CYRIA: variants seen among roughly 807,000 people sequenced by gnomAD.
CYRIA encodes the protein CYFIP related Rac1 interactor A, also known as CYFIP-related Rac1 interactor A.
CYRIA carries 15 observed loss-of-function variants against 43.9 expected under a neutral mutation model. That is an observed-to-expected ratio of 0.34 (90% CI 0.23 to 0.53). CYRIA has a LOEUF of 0.53. Ranked by LOEUF, CYRIA falls within the 20% of genes least tolerant of loss-of-function variation. The pLI is 0.94. For synonymous variants in CYRIA, 117 were observed against 136.0 expected (o/e 0.86, Z 0.97); for missense variants, 236 against 394.2 (o/e 0.60, Z 3.40).
chr2:16,659,340 C>T (rs1297178876), intron 1 of CYRIA, among the ~76,000 whole-genome samples: 2 of 152,246 alleles, frequency 1.3e-5, no homozygotes, highest in East Asian at 3.8e-4. Flanking sequence ...AGGTGACATT[C>T]TGCAAATTCC....
intron 3 of CYRIA, among the ~76,000 whole-genome samples, chr2:16,572,744 T>C (rs1413826764): frequency 1.3e-5 from 2 of 152,188 alleles, no homozygotes; most frequent in African/African-American, 4.8e-5. Context: ...CCACATCCAT[T>C]ACTGATCTTG....
intron 3 of CYRIA, among the ~76,000 whole-genome samples, chr2:16,584,379 A>G (rs1009943585): frequency 1.3e-5 from 2 of 152,138 alleles, no homozygotes; most frequent in East Asian, 1.9e-4. Flanking sequence ...GCTGAGTCAC[A>G]AAACTGAGGG....
intron 1 of CYRIA, among the ~76,000 whole-genome samples, chr2:16,652,897 T>C (rs1670012296): frequency 1.3e-5 from 2 of 152,210 alleles, no homozygotes; most frequent in South Asian, 4.1e-4. Flanking sequence ...CATGTGATGC[T>C]TGTCCAGCTG....
chr2:16,620,507 T>A (rs1668957451), intron 2 of CYRIA, among the ~76,000 whole-genome samples: 1 of 152,214 alleles, frequency 6.6e-6, no homozygotes, highest in Non-Finnish European at 1.5e-5. Context: ...AAGGAAACTA[T>A]AATCTTATAA....
chr2:16,629,202 TC>T (rs1669252399), intron 1 of CYRIA, among the ~76,000 whole-genome samples: 1 of 152,144 alleles, frequency 6.6e-6, no homozygotes, highest in Non-Finnish European at 1.5e-5. Context: ...GACAGGCGCA[TC>T]TCTAAGACAA....
chr2:16,629,977 A>T (rs565509978), intron 1 of CYRIA, among the ~76,000 whole-genome samples: 1 of 152,138 alleles, frequency 6.6e-6, no homozygotes, highest in South Asian at 2.1e-4. Flanking sequence ...GAGACCAGAT[A>T]GTGACTAACT....
chr2:16,613,674 G>A (rs182822137), intron 2 of CYRIA, among the ~76,000 whole-genome samples: 1 of 152,316 alleles, frequency 6.6e-6, no homozygotes, highest in Admixed American at 6.5e-5. Flanking sequence ...AAAAATACCA[G>A]ACCTGGTCAG....
intron 2 of CYRIA, among the ~76,000 whole-genome samples, chr2:16,610,274 C>A (rs370279833): frequency 6.6e-5 from 10 of 152,302 alleles, no homozygotes; most frequent in Admixed American, 3.3e-4. Context: ...TAATCACCAG[C>A]AGAACTGGAA....
rs149042655 is a variant in CYRIA, at chr2:16,638,409, C to T, written c.-166-14390G>A. Among the ~76,000 whole-genome samples, 179 of 152,262 alleles carry T rather than the reference C, an allele frequency of 1.2e-3. 1 individual carries two copies. Among genetic ancestry groups the T allele is most frequent in the African/African-American group, 4.1e-3 (170 of 41,552 alleles). ...CTCCACCTGTGTGATGGGATCTGGCCGGGAAAAGCTTCCTGGAGGGGCTGG... is the reference window on the plus strand; with the variant it reads ...CTCCACCTGTGTGATGGGATCTGGCTGGGAAAAGCTTCCTGGAGGGGCTGG... On this transcript the variant is annotated intron_variant, in intron 1 of 11. Coordinates refer to ENST00000381323, the MANE Select transcript of CYRIA (RefSeq NM_030797.4).
At position 16,564,048 on chromosome 2, in the gene CYRIA, T is replaced by C. The variant is rs1281094866; in HGVS notation, c.239A>G (p.Asn80Ser). 1.2e-6 allele frequency: 2 copies of C among 1,613,604 alleles called. No homozygotes were observed. Among genetic ancestry groups the C allele is most frequent in the African/African-American group, 2.7e-5 (2 of 74,910 alleles). The change falls in exon 5 of 12, where the codon AAT (asparagine) becomes AGT (serine). Residue 80 changes from asparagine to serine, a missense_variant. This residue lies in a region of CYRIA where 193 missense variants were observed against 303.9 expected (regional missense o/e 0.64). Coordinates refer to ENST00000381323, the MANE Select transcript of CYRIA (RefSeq NM_030797.4). ...NDIQLQEKAW[N>S]AVCPLVVRLK... Reference sequence around the variant, plus strand: ...CCTCACAACAAGAGGGCACACCGCATTCCAAGCTTTTTCTTGAAGCTGAAT... The same window carrying C: ...CCTCACAACAAGAGGGCACACCGCACTCCAAGCTTTTTCTTGAAGCTGAAT...
intron 1 of CYRIA, among the ~76,000 whole-genome samples, chr2:16,644,438 C>T (rs1166798228): frequency 1.3e-5 from 2 of 152,136 alleles, no homozygotes; most frequent in African/African-American, 4.8e-5. Context: ...TGTTGTGTTC[C>T]AGCCTCAGGT....
chr2:16,635,966 G>C (rs1333581811), intron 1 of CYRIA, among the ~76,000 whole-genome samples: 1 of 152,166 alleles, frequency 6.6e-6, no homozygotes, highest in African/African-American at 2.4e-5. Context: ...CGTTGGATAA[G>C]AAACGCGACC....
chr2:16,643,453 G>T (rs116059741), intron 1 of CYRIA, among the ~76,000 whole-genome samples: 9 of 152,194 alleles, frequency 5.9e-5, no homozygotes, highest in Non-Finnish European at 1.3e-4. Context: ...GCACTGCTGA[G>T]CCCAGACCTG....
intron 2 of CYRIA, among the ~76,000 whole-genome samples, chr2:16,607,089 T>C (rs1048137288): frequency 1.3e-5 from 2 of 152,186 alleles, no homozygotes; most frequent in African/African-American, 2.4e-5. Context: ...TCACTTGAAA[T>C]CTCAGAGACA....
At chr2:16,664,325 T>C (rs937340712) in intron 1 of CYRIA, among the ~76,000 whole-genome samples, 1 of 152,014 alleles carries the variant, frequency 6.6e-6, no homozygotes, top group African/African-American at 2.4e-5. Flanking sequence ...CCAGCGCCCA[T>C]GTTTATGACT....
chr2:16,565,938 A>C (rs1168696349), intron 3 of CYRIA, among the ~76,000 whole-genome samples, 171 bp from the exon 4 acceptor site: 4 of 152,114 alleles, frequency 2.6e-5, no homozygotes, highest in African/African-American at 9.7e-5. Context: ...AACTGATGAA[A>C]CTTCTGCCCA....
At chr2:16,563,338 G>A (rs1666817705) in intron 5 of CYRIA, among the ~76,000 whole-genome samples, 1 of 152,072 alleles carries the variant, frequency 6.6e-6, no homozygotes. Context: ...ACTCCCCCAA[G>A]GTATTTCAAG....
At chr2:16,579,102 C>T (rs1667455660) in intron 3 of CYRIA, among the ~76,000 whole-genome samples, 1 of 149,276 alleles carries the variant, frequency 6.7e-6, no homozygotes, top group East Asian at 1.9e-4. Flanking sequence ...ACAATGGGAT[C>T]ACTTCTTTCA....
At chr2:16,658,305 C>T (rs1670168129) in intron 1 of CYRIA, among the ~76,000 whole-genome samples, 1 of 152,106 alleles carries the variant, frequency 6.6e-6, no homozygotes, top group African/African-American at 2.4e-5. Context: ...CACGTCATTT[C>T]CCACCCAGAG....
Sources: gnomAD v4.1 joint callset for allele counts (sites outside exome capture counted in the v4.1 genomes callset) on GRCh38, gnomAD v4.1.1 for gene constraint, gnomAD v4.1.1 regional missense constraint, MANE v1.5 for transcripts, NCBI Gene and HGNC (gene_info 2026-07-23, HGNC 2026-07-21) for gene names.